Variants in CUX1 observed in about 807,000 individuals in gnomAD.
The protein encoded by CUX1 is protein CASP.
Under a neutral mutation model 158.8 loss-of-function variants are expected in CUX1, and 31 were observed. That is an observed-to-expected ratio of 0.20 (90% CI 0.15 to 0.26). The LOEUF is 0.26. Ranked by LOEUF, CUX1 falls within the 10% of genes least tolerant of loss-of-function variation. CUX1 has a pLI of 1.00. For synonymous variants in CUX1, 879 were observed against 862.1 expected (o/e 1.02, Z -0.34); for missense variants, 1,589 against 2,014.6 (o/e 0.79, Z 4.04).
intron 11 of CUX1, 76 bp from the exon 12 acceptor site, chr7:102,189,737 G>A (rs1192897633): frequency 2.9e-5 from 44 of 1,498,796 alleles, no homozygotes; most frequent in African/African-American, 2.8e-4. Context: ...TGGCTGTTCC[G>A]CAGTGAATGC....
chr7:101,880,421 C>T (rs930661163), intron 1 of CUX1, among the ~76,000 whole-genome samples: 10 of 152,100 alleles, frequency 6.6e-5, no homozygotes, highest in Non-Finnish European at 1.5e-5. Flanking sequence ...CCCCTCTCAT[C>T]GGCCTCATAA....
At chr7:101,951,739 C>T (rs1031572336) in intron 2 of CUX1, among the ~76,000 whole-genome samples, 3 of 152,194 alleles carry the variant, frequency 2.0e-5, no homozygotes, top group African/African-American at 7.2e-5. Flanking sequence ...AATCTCCTGA[C>T]CTTGTGATCC....
chr7:101,874,891 G>A (rs972393867), intron 1 of CUX1, among the ~76,000 whole-genome samples: 1 of 152,222 alleles, frequency 6.6e-6, no homozygotes, highest in Non-Finnish European at 1.5e-5. Flanking sequence ...CACACCTTCT[G>A]ACACCAGGCT....
chr7:102,266,510 G>A (rs1472633894), intron 14 of CUX1, among the ~76,000 whole-genome samples: 1 of 151,882 alleles, frequency 6.6e-6, no homozygotes, highest in Non-Finnish European at 1.5e-5. Context: ...CCAAGGAGAG[G>A]CGTGGACTGG....
intron 15 of CUX1, chr7:102,274,092 G>A: frequency 1.4e-6 from 1 of 705,358 alleles, no homozygotes; most frequent in Non-Finnish European, 2.5e-6. Context: ...CACGTGTCCA[G>A]GTCCGGGCCC....
At chr7:102,265,262 A>G (rs1790718117) in intron 14 of CUX1, among the ~76,000 whole-genome samples, 1 of 151,348 alleles carries the variant, frequency 6.6e-6, no homozygotes, top group South Asian at 2.1e-4. Flanking sequence ...AGGCTGAGGC[A>G]GGAGAATTGC....
chr7:102,059,493 G>A (rs1384618829), intron 3 of CUX1, among the ~76,000 whole-genome samples: 4 of 151,940 alleles, frequency 2.6e-5, no homozygotes, highest in Admixed American at 1.3e-4. Context: ...TTAGCTGGGC[G>A]TGGTGGCAGG....
chr7:101,910,148 T>C (rs942669014), intron 1 of CUX1, among the ~76,000 whole-genome samples: 8 of 152,094 alleles, frequency 5.3e-5, no homozygotes, highest in African/African-American at 1.9e-4. Flanking sequence ...TTCGAACTCC[T>C]GACAATTATA....
chr7:102,124,119 T>A (rs1179230496), intron 8 of CUX1, among the ~76,000 whole-genome samples: 1 of 152,172 alleles, frequency 6.6e-6, no homozygotes, highest in Non-Finnish European at 1.5e-5. Flanking sequence ...AGCCTAGGGA[T>A]CTTGCAGTGT....
intron 2 of CUX1, among the ~76,000 whole-genome samples, chr7:101,956,138 C>CAA (rs11462111): frequency 0.26 from 16,838 of 63,650 alleles, 2,971 homozygotes; most frequent in Non-Finnish European, 0.31. Flanking sequence ...GCCCACGTCT[C>CAA]AAAAAAAAAA....
At chr7:101,976,850 C>G (rs1406977268) in intron 2 of CUX1, among the ~76,000 whole-genome samples, 1 of 145,452 alleles carries the variant, frequency 6.9e-6, no homozygotes, top group Non-Finnish European at 1.5e-5. Flanking sequence ...TGACTTTATT[C>G]CATTTAGTTG....
At chr7:101,936,189 T>C (rs1225917962) in intron 2 of CUX1, among the ~76,000 whole-genome samples, 1 of 120,488 alleles carries the variant, frequency 8.3e-6, no homozygotes, top group Non-Finnish European at 1.6e-5. Flanking sequence ...ACTGTGGAAC[T>C]GGGGCATAGA....
chr7:102,036,690 C>T lies in CUX1; in HGVS notation c.189+8545C>T, dbSNP rs570079114. ...CCGGGAAGCAGAGGTAGCAGTGAGC[C>T]GAGATTGTGCCACTGCAGTCCAGCC... is the stretch of plus-strand genomic sequence containing the variant. On this transcript the variant is annotated intron_variant, in intron 3 of 23. Coordinates refer to ENST00000292535, the MANE Select transcript of CUX1 (RefSeq NM_181552.4). Among the ~76,000 whole-genome samples the T allele has an allele frequency of 1.3e-4, 19 of 150,644 alleles. No homozygotes were observed. The South Asian group carries it at 3.0e-3, about 23-fold the overall frequency.
chr7:101,968,710 A>T (rs1183207787), intron 2 of CUX1, among the ~76,000 whole-genome samples: 1 of 152,188 alleles, frequency 6.6e-6, no homozygotes, highest in African/African-American at 2.4e-5. Flanking sequence ...GGCATGAGCC[A>T]CCATGCCCGG....
chr7:102,016,446 C>G (rs1818598130), intron 2 of CUX1, among the ~76,000 whole-genome samples: 1 of 152,206 alleles, frequency 6.6e-6, no homozygotes, highest in South Asian at 2.1e-4. Flanking sequence ...AAAATAGCCA[C>G]TCAACAAACA....
At chr7:101,996,122 AAG>A (rs915571965) in intron 2 of CUX1, among the ~76,000 whole-genome samples, 5 of 151,958 alleles carry the variant, frequency 3.3e-5, no homozygotes, top group Admixed American at 6.6e-5. Context: ...AAAAAAAAAA[AAG>A]AGAGAGAGAT....
intron 16 of CUX1, 132 bp downstream of exon 16, chr7:102,198,999 A>C (rs1795094671): frequency 3.7e-6 from 3 of 812,282 alleles, no homozygotes; most frequent in Non-Finnish European, 4.1e-6. Context: ...GCTAGTAAGT[A>C]TAAAACAAGG....
chr7:101,951,835 G>A (rs1232008018), intron 2 of CUX1, among the ~76,000 whole-genome samples: 3 of 152,228 alleles, frequency 2.0e-5, no homozygotes, highest in African/African-American at 7.2e-5. Flanking sequence ...GCCTACAGCA[G>A]GGATTGGCAA....
chr7:102,142,975 G>A (rs1239823967), intron 8 of CUX1, among the ~76,000 whole-genome samples: 6 of 152,008 alleles, frequency 3.9e-5, no homozygotes, highest in African/African-American at 9.7e-5. Context: ...AGTAACAACC[G>A]GTCCCCATTT....
Sources: gnomAD v4.1 joint callset for allele counts (sites outside exome capture counted in the v4.1 genomes callset) on GRCh38, gnomAD v4.1.1 for gene constraint, MANE v1.5 for transcripts, NCBI Gene and HGNC (gene_info 2026-07-23, HGNC 2026-07-21) for gene names.